MYBPC2: variants seen among roughly 807,000 people sequenced by gnomAD.
MYBPC2 encodes myosin binding protein C2, also known as myosin-binding protein C, fast-type.
In MYBPC2, 122 loss-of-function variants were observed where a neutral mutation model predicts 137.0. The observed-to-expected ratio is 0.89, with a 90% CI of 0.77 to 1.03. MYBPC2 has a LOEUF of 1.03. Among genes scored for constraint, MYBPC2 ranks in the 50% least tolerant of loss-of-function variants. The probability of loss-of-function intolerance (pLI) is 0.00; values close to 1 mark genes in which losing one functional copy is unlikely to be tolerated. For missense variants in MYBPC2, 1,500 were observed against 1,534.4 expected, an observed-to-expected ratio of 0.98 and a Z score of 0.37; for synonymous variants, 626 against 612.3, an observed-to-expected ratio of 1.02 and a Z score of -0.33.
In MYBPC2 at chr19:50,461,652, CAG is replaced by C. The variant is rs778997887; in HGVS notation, c.3043_3044del (p.Ser1015Ter). On this transcript the variant is annotated frameshift_variant, in exon 25 of 28. Transcript: ENST00000357701. LOFTEE classifies it high-confidence loss of function. ...RVYTENICGL[S>X]DSPGVSKNTA... is the part of the protein sequence containing the mutation. ...TTTACACCGAGAACATCTGTGGGCTCAGTGACTCACCTGGTGTCTCCAAGAAC... is the reference window on the plus strand; with the variant it reads ...TTTACACCGAGAACATCTGTGGGCTCTGACTCACCTGGTGTCTCCAAGAAC... 3.1e-6 allele frequency: 5 copies of C among 1,613,582 alleles called. No individual in the cohort carries two copies. The highest frequency in any genetic ancestry group is 2.2e-5 in the South Asian group (2 of 91,012).
Position 50,441,037 on chromosome 19 carries a change from C to A in MYBPC2, c.730C>A (p.Arg244=). 6.2e-7 allele frequency: 1 copy of A among 1,606,376 alleles called. No individual in the cohort carries two copies. Among genetic ancestry groups the A allele is most frequent in the Admixed American group, 1.7e-5 (1 of 58,866 alleles). ...CACCGACCTCCGGGGCATGCTGAAG[C>A]GGCTGAAAAAGGCTAAGGTCGAGGT... ...GITDLRGMLK[R]LKKAKVEVKK... Residue 244 remains arginine (R), a synonymous_variant, in exon 8 of 28, where the codon CGG becomes AGG. Coordinates refer to ENST00000357701, the MANE Select transcript of MYBPC2 (RefSeq NM_004533.4).
intron 11 of MYBPC2, among the ~76,000 whole-genome samples, chr19:50,444,222 T>TCATCCATC (rs766978378): frequency 1.4e-5 from 2 of 142,584 alleles, no homozygotes; most frequent in African/African-American, 5.3e-5. Flanking sequence ...ATCCATCCAC[T>TCATCCATC]CATCCATCCA....
intron 1 of MYBPC2, among the ~76,000 whole-genome samples, chr19:50,434,688 T>G (rs1236613348): frequency 6.6e-6 from 1 of 152,176 alleles, no homozygotes; most frequent in African/African-American, 2.4e-5. Context: ...CCTCCTGGGA[T>G]GTCTGGTCCG....
Position 50,440,220 on chromosome 19 carries a change from G to A in MYBPC2, c.573-660G>A, listed in dbSNP as rs1051253640. 1.2e-4 allele frequency among the ~76,000 whole-genome samples: 19 copies of A among 152,120 alleles called. No individual in the cohort carries two copies. The East Asian group carries it at 3.7e-3, about 29-fold the overall frequency. ...TAAAAGAGGACAAATAGGGTGCAAT[G>A]TATGCTGCTTGGGTGATGGGTGTAC... On this transcript the variant is annotated intron_variant, in intron 7 of 27. Coordinates refer to ENST00000357701, the MANE Select transcript of MYBPC2 (RefSeq NM_004533.4).
intron 1 of MYBPC2, 102 bp downstream of exon 1, chr19:50,433,074 C>A (rs2039671505): frequency 2.1e-6 from 3 of 1,396,654 alleles, no homozygotes; most frequent in South Asian, 3.0e-5. Flanking sequence ...GAGGAACCTT[C>A]GCTGTGTGAG....
intron 12 of MYBPC2, among the ~76,000 whole-genome samples, chr19:50,446,818 CA>C (rs746953730): frequency 0.092 from 9,458 of 102,404 alleles, 486 homozygotes; most frequent in African/African-American, 0.19. Context: ...GACTCTGTCT[CA>C]AAAAAAAAAA....
intron 13 of MYBPC2, among the ~76,000 whole-genome samples, chr19:50,448,958 G>A (rs1220356034): frequency 6.6e-6 from 1 of 151,786 alleles, no homozygotes; most frequent in Non-Finnish European, 1.5e-5. Flanking sequence ...TCTAACTCCT[G>A]ACCTCAGCTG....
intron 8 of MYBPC2, 48 bp from the exon 9 acceptor site, chr19:50,442,133 G>T: frequency 6.4e-7 from 1 of 1,553,092 alleles, no homozygotes. Context: ...ATGACCAGGG[G>T]AATGAGGACC....
intron 7 of MYBPC2, among the ~76,000 whole-genome samples, chr19:50,438,161 A>T (rs2039720783): frequency 6.6e-6 from 1 of 152,096 alleles, no homozygotes; most frequent in Non-Finnish European, 1.5e-5. Context: ...TAATACATCT[A>T]TCCACCTACC....
chr19:50,456,377 T>C (rs1439874180), intron 20 of MYBPC2, among the ~76,000 whole-genome samples: 5 of 139,880 alleles, frequency 3.6e-5, no homozygotes, highest in Admixed American at 2.2e-4. Flanking sequence ...TCCATCCATC[T>C]ATCCATCCAT....
chr19:50,445,255 C>T (rs999698391), intron 11 of MYBPC2, among the ~76,000 whole-genome samples: 1 of 152,128 alleles, frequency 6.6e-6, no homozygotes, highest in African/African-American at 2.4e-5. Context: ...TGATGTTTCT[C>T]TGAGACCCCA....
chr19:50,443,871 C>G (rs2039778683), intron 11 of MYBPC2, 55 bp downstream of exon 11: 2 of 1,512,902 alleles, frequency 1.3e-6, no homozygotes, highest in Non-Finnish European at 1.8e-6. Context: ...TTCTTTGCCT[C>G]TGCCTTGATC....
rs776413801 is a variant in MYBPC2, at chr19:50,461,956, T to C, written c.3148T>C (p.Phe1050Leu). The part of the protein sequence containing the change: ...KEHDFRMAPK[F>L]LTPLIDRVVV... ...GCATGACTTCCGGATGGCTCCCAAG[T>C]TCCTGACACCTCTCATAGACCGCGT... The change falls in exon 26 of 28, where the codon TTC (phenylalanine) becomes CTC (leucine). Residue 1050 changes from phenylalanine to leucine, a missense_variant. Transcript: ENST00000357701. 5.0e-6 allele frequency: 8 copies of C among 1,589,224 alleles called. No individual in the cohort carries two copies. The highest frequency in any genetic ancestry group is 1.3e-5 in the African/African-American group (1 of 74,534).
At chr19:50,458,363 G>A (rs541886170) in intron 20 of MYBPC2, among the ~76,000 whole-genome samples, 5 of 149,854 alleles carry the variant, frequency 3.3e-5, no homozygotes, top group African/African-American at 1.2e-4. Context: ...GCGACAGGGC[G>A]AGACTCCGTT....
At chr19:50,441,847 TAAAATAAAATAA>T (rs2039758420) in intron 8 of MYBPC2, among the ~76,000 whole-genome samples, 1 of 146,282 alleles carries the variant, frequency 6.8e-6, no homozygotes, top group Admixed American at 6.8e-5. Context: ...CTCAAAAAAA[TAAAATAAAATAA>T]AAAATAAAAT....
rs1261396090 is a variant in MYBPC2 at position 50,458,687 on chromosome 19, G to T, written c.2439G>T (p.Gly813=). Residue 813 remains glycine, a synonymous_variant, in exon 21 of 28, where the codon GGG becomes GGT. Transcript: ENST00000357701. The part of the protein sequence containing the change: ...TGARILFRVV[G]VNIAGRSEPA... ...CCAGAATCCTCTTCCGAGTAGTTGG[G>T]GTCAACATCGCGGGGCGCAGCGAGC... The T allele has an allele frequency of 6.2e-7, 1 of 1,611,738 alleles. No individual in the cohort carries two copies. Among genetic ancestry groups the T allele is most frequent in the Admixed American group, 1.7e-5 (1 of 60,020 alleles).
In MYBPC2 at chr19:50,434,575, G is replaced by A. The variant is rs59497775; in HGVS notation, c.20-586G>A. Among the ~76,000 whole-genome samples, 1,424 of 152,274 alleles carry A rather than the reference G, an allele frequency of 9.4e-3. 29 individuals carry two copies. The highest frequency in any genetic ancestry group is 0.032 in the African/African-American group (1,329 of 41,550). On this transcript the variant is annotated intron_variant, in intron 1 of 27. Coordinates refer to ENST00000357701, the MANE Select transcript of MYBPC2 (RefSeq NM_004533.4). ...ATGCAGGGAATGGGGTCCTTTTTGC[G>A]GGGTTTGGGGACCTTCTTTGAATGG... is the stretch of plus-strand genomic sequence containing the variant.
At chr19:50,448,098 G>A (rs1488070164) in intron 12 of MYBPC2, 127 bp from the exon 13 acceptor site, 2 of 1,166,888 alleles carry the variant, frequency 1.7e-6, no homozygotes, top group East Asian at 2.7e-5. Flanking sequence ...CCAACGGGTT[G>A]TTTCTGGGTT....
chr19:50,466,080 G>A lies in MYBPC2; in HGVS notation c.3416-115G>A. On this transcript the variant is annotated intron_variant, in intron 27 of 27. Transcript: ENST00000357701. This position sits in a 1 kb window ranked among gnomAD's most constrained non-coding sequence, Gnocchi z 4.9. ...GCCACAGTGGCCTAGGATGGGGCGG[G>A]ATGGTGACCGTCATCCTGTCCCCCT... The A allele has an allele frequency of 4.8e-6, 7 of 1,443,610 alleles. No individual in the cohort carries two copies. Among genetic ancestry groups the A allele is most frequent in the Non-Finnish European group, 6.7e-6 (7 of 1,052,464 alleles). 89.4% of individuals were successfully genotyped at this position (1,443,610 alleles called of 1,614,324 possible).
Sources: allele counts gnomAD v4.1 joint callset (sites outside exome capture counted in the v4.1 genomes callset), GRCh38; gene constraint gnomAD v4.1.1; non-coding constraint Gnocchi (gnomAD v3.1); transcripts MANE v1.5; gene names NCBI Gene and HGNC (gene_info 2026-07-23, HGNC 2026-07-21).